SLC28A1: variants seen among roughly 807,000 people sequenced by gnomAD.
The protein encoded by SLC28A1 is solute carrier family 28 member 1, also known as sodium/nucleoside cotransporter 1.
In SLC28A1, 64 loss-of-function variants were observed where a neutral mutation model predicts 74.8. The ratio of observed to expected loss-of-function variants is 0.86; its 90% CI spans 0.70 to 1.05. SLC28A1 has a LOEUF of 1.05. Among genes scored for constraint, SLC28A1 ranks in the 50% least tolerant of loss-of-function variants. The pLI, the probability that SLC28A1 is intolerant of heterozygous loss-of-function variation, is 0.00. For synonymous variants in SLC28A1, 359 were observed against 335.0 expected (o/e 1.07, Z -0.78); for missense variants, 828 against 822.8 (o/e 1.01, Z -0.08).
rs71135328 is a variant in SLC28A1 at position 84,908,178 on chromosome 15, C to CTTTTTTTTTT, written c.718-526_718-517dup. On this transcript the variant is annotated intron_variant, in intron 8 of 18. Coordinates refer to ENST00000394573, the MANE Select transcript of SLC28A1 (RefSeq NM_004213.5). ...TGTCCTAATAACTCCCAGAGCATTTCTTTTTTTTTTTTTTTTTTTTTTTGA... is the reference window on the plus strand; with the variant it reads ...TGTCCTAATAACTCCCAGAGCATTTCTTTTTTTTTTTTTTTTTTTTTTTTTTTTTTTTTGA... 1.5e-3 allele frequency among the ~76,000 whole-genome samples: 138 copies of CTTTTTTTTTT among 91,336 alleles called. 12 individuals carry two copies. Among genetic ancestry groups the CTTTTTTTTTT allele is most frequent in the African/African-American group, 2.3e-3 (49 of 20,936 alleles). 59.9% of individuals were successfully genotyped at this position (91,336 alleles called of 152,430 possible).
At chr15:84,893,774 C>T (rs1417024417) in intron 5 of SLC28A1, among the ~76,000 whole-genome samples, 1 of 152,186 alleles carries the variant, frequency 6.6e-6, no homozygotes, top group Non-Finnish European at 1.5e-5. Context: ...GCCTCACTGG[C>T]TTTCTAGGGC....
chr15:84,899,498 A>G (rs1223554183), intron 6 of SLC28A1, among the ~76,000 whole-genome samples: 2 of 152,202 alleles, frequency 1.3e-5, no homozygotes, highest in African/African-American at 4.8e-5. Flanking sequence ...CAGTGATAAA[A>G]CCTTAACAGC....
At chr15:84,950,449 C>G (rs1474066781), downstream of SLC28A1, among the ~76,000 whole-genome samples, 1 of 150,314 alleles carries the variant, frequency 6.7e-6, no homozygotes, top group African/African-American at 2.5e-5. Context: ...CTCAGCTAGG[C>G]GCGGTAGCTC....
In SLC28A1 at chr15:84,901,969, A is replaced by G. The variant is rs890628300; in HGVS notation, c.462-2128A>G. ...CTGGAAATCACCAAAATGTCCATCA[A>G]TAGGTGAACTGATAAGCAAAGTGTG... On this transcript the variant is annotated intron_variant, in intron 6 of 18. Transcript: ENST00000394573. Among the ~76,000 whole-genome samples, 33 of 152,256 alleles carry G rather than the reference A, an allele frequency of 2.2e-4. 1 individual carries two copies. The highest frequency in any genetic ancestry group is 7.5e-4 in the African/African-American group (31 of 41,462).
At chr15:84,960,941 C>T in the SLC28A1 span, among the ~76,000 whole-genome samples, 38,496 of 151,994 alleles carry the variant, frequency 0.25, 5,922 homozygotes, top group Non-Finnish European at 0.34. Context: ...ACTGGCTGAT[C>T]CTGAATTGGC....
intron 9 of SLC28A1, among the ~76,000 whole-genome samples, chr15:84,915,500 C>A (rs985338460): frequency 3.9e-5 from 6 of 152,206 alleles, no homozygotes; most frequent in Non-Finnish European, 4.4e-5. Flanking sequence ...GCAGTGAGCA[C>A]AGTGCTGCTT....
chr15:84,933,213 G>A lies in SLC28A1; in HGVS notation c.1152G>A (p.Leu384=), dbSNP rs1481761589. The change falls in exon 13 of 19, where the codon CTG becomes CTA. Residue 384 remains leucine (L), a synonymous_variant. Coordinates refer to ENST00000394573, the MANE Select transcript of SLC28A1 (RefSeq NM_004213.5). ...AAPCALALSK[L]VYPEVEESKF... is the part of the protein sequence containing the mutation. Reference sequence around the variant, plus strand: ...CTTGTGCCTTGGCCCTCTCCAAGCTGGTCTACCCGGAGGTGGAGGAGTCCA... The same window carrying A: ...CTTGTGCCTTGGCCCTCTCCAAGCTAGTCTACCCGGAGGTGGAGGAGTCCA... 1 of 1,611,428 alleles carries A rather than the reference G, an allele frequency of 6.2e-7. No individual in the cohort carries two copies. Among genetic ancestry groups the A allele is most frequent in the South Asian group, 1.1e-5 (1 of 91,050 alleles).
At chr15:84,905,157 C>A (rs570253908) in intron 7 of SLC28A1, among the ~76,000 whole-genome samples, 4 of 152,270 alleles carry the variant, frequency 2.6e-5, no homozygotes, top group African/African-American at 9.6e-5. Context: ...GACGGTCAGG[C>A]AGACAGGGTT....
the SLC28A1 span, among the ~76,000 whole-genome samples, chr15:84,972,263 G>T: frequency 1.3e-5 from 2 of 152,176 alleles, no homozygotes; most frequent in South Asian, 2.1e-4. Context: ...ATGGATTGAG[G>T]CCCCAACAGA....
chr15:84,894,510 A>T (rs975872415), intron 5 of SLC28A1, among the ~76,000 whole-genome samples: 1 of 152,192 alleles, frequency 6.6e-6, no homozygotes, highest in Admixed American at 6.5e-5. Flanking sequence ...AAGCATGCTC[A>T]TTGATGAACA....
At chr15:84,950,984 G>A in the SLC28A1 span, among the ~76,000 whole-genome samples, 13 of 152,206 alleles carry the variant, frequency 8.5e-5, no homozygotes, top group Non-Finnish European at 1.8e-4. Context: ...AAAAACAGGA[G>A]GCCAACCTGC....
At chr15:84,944,446 T>C in intron 16 of SLC28A1, 120 bp from the exon 17 acceptor site, 1 of 743,548 alleles carries the variant, frequency 1.3e-6, no homozygotes, top group Non-Finnish European at 2.4e-6. Flanking sequence ...ACAACATCTG[T>C]CCCTCTGGCC....
chr15:84,933,216 C>A lies in SLC28A1; in HGVS notation c.1155C>A (p.Val385=), dbSNP rs1971511207. 8 of 1,613,826 alleles carry A rather than the reference C, an allele frequency of 5.0e-6. No individual in the cohort carries two copies. Among genetic ancestry groups the A allele is most frequent in the South Asian group, 2.2e-5 (2 of 91,040 alleles). The change falls in exon 13 of 19, where the codon GTC becomes GTA. Residue 385 remains valine (V), a synonymous_variant. Coordinates refer to ENST00000394573, the MANE Select transcript of SLC28A1 (RefSeq NM_004213.5). ...GTGCCTTGGCCCTCTCCAAGCTGGT[C>A]TACCCGGAGGTGGAGGAGTCCAAGT... The part of the protein sequence containing the change: ...APCALALSKL[V]YPEVEESKFR...
At chr15:84,887,662 C>A (rs1381195518) in intron 2 of SLC28A1, 83 bp from the exon 3 acceptor site, 1 of 1,569,422 alleles carries the variant, frequency 6.4e-7, no homozygotes, top group Non-Finnish European at 8.7e-7. Context: ...CCCACTCAGT[C>A]CTCTCCCCTT....
chr15:84,948,483 C>T (rs899610775), downstream of SLC28A1, among the ~76,000 whole-genome samples: 5 of 152,086 alleles, frequency 3.3e-5, no homozygotes, highest in South Asian at 1.0e-3. Flanking sequence ...TCAGGGCAGG[C>T]CAAATCTGTA....
chr15:84,933,080 G>A (rs1009022785), intron 12 of SLC28A1, 65 bp from the exon 13 acceptor site: 56 of 1,584,380 alleles, frequency 3.5e-5, no homozygotes, highest in South Asian at 2.7e-4. Flanking sequence ...GCCCTGGGCC[G>A]CACTCCTTGG....
At chr15:84,932,157 T>C (rs1302779108) in intron 12 of SLC28A1, among the ~76,000 whole-genome samples, 1 of 152,222 alleles carries the variant, frequency 6.6e-6, no homozygotes, top group Non-Finnish European at 1.5e-5. Flanking sequence ...CTTCTCTACC[T>C]GCAATGTTGT....
chr15:84,900,524 C>T (rs1391831130), intron 6 of SLC28A1, among the ~76,000 whole-genome samples: 1 of 151,700 alleles, frequency 6.6e-6, no homozygotes, highest in East Asian at 1.9e-4. Context: ...TGGGGTCAGG[C>T]GCAGTGGCTA....
At position 84,895,101 on chromosome 15, in the gene SLC28A1, C is replaced by T. The variant is rs1031099282; in HGVS notation, c.439C>T (p.Arg147Cys). ...GTTTCTCAAGCCTCAGGGCCATCCC[C>T]GCCTGCTGCTCTGGTTTAAGAGGTG... ...RRFLKPQGHPRLLLWFKRGLA... is the reference protein window; with the variant it reads ...RRFLKPQGHPCLLLWFKRGLA... The change falls in exon 6 of 19, where the codon CGC becomes TGC. Residue 147 changes from arginine to cysteine, a missense_variant. Physicochemically the swap from Arg to Cys is radical, Grantham distance 180 (BLOSUM62 -3). This residue lies in a region of SLC28A1 where 767 missense variants were observed against 753.5 expected (regional missense o/e 1.02). Coordinates refer to ENST00000394573, the MANE Select transcript of SLC28A1 (RefSeq NM_004213.5). 3.7e-6 allele frequency: 6 copies of T among 1,613,958 alleles called. No homozygotes were observed. The highest frequency in any genetic ancestry group is 2.2e-5 in the East Asian group (1 of 44,896).
Sources: allele counts gnomAD v4.1 joint callset (sites outside exome capture counted in the v4.1 genomes callset), GRCh38; gene constraint gnomAD v4.1.1; regional missense constraint gnomAD v4.1.1; transcripts MANE v1.5; gene names NCBI Gene and HGNC (gene_info 2026-07-23, HGNC 2026-07-21).